PCDHGA3: variants seen among roughly 807,000 people sequenced by gnomAD.
The protein encoded by PCDHGA3 is protocadherin gamma-A3.
PCDHGA3 carries 40 observed loss-of-function variants against 58.5 expected under a neutral mutation model. The ratio of observed to expected loss-of-function variants is 0.68; its 90% CI spans 0.53 to 0.89. The LOEUF (loss-of-function observed/expected upper bound fraction) is 0.89. Ranked by LOEUF, PCDHGA3 falls within the 40% of genes least tolerant of loss-of-function variation. The pLI is 0.00. For synonymous variants in PCDHGA3, 530 were observed against 525.7 expected (o/e 1.01, Z -0.11); for missense variants, 1,223 against 1,195.9 (o/e 1.02, Z -0.33).
Position 141,491,895 on chromosome 5 carries a change from A to G in PCDHGA3, c.2425-2912A>G. On this transcript the variant is annotated intron_variant, in intron 1 of 3. Transcript: ENST00000253812. This position sits in a 1 kb window ranked among gnomAD's most constrained non-coding sequence, Gnocchi z 6.9. Reference sequence around the variant, plus strand: ...CCGATTAAGGGATGGGGCTCCGAGCACCGGGGGTGGTGGCGACTGTGGGCG... The same window carrying G: ...CCGATTAAGGGATGGGGCTCCGAGCGCCGGGGGTGGTGGCGACTGTGGGCG... 7.0e-7 allele frequency: 1 copy of G among 1,434,306 alleles called. No homozygotes were observed. The highest frequency in any genetic ancestry group is 9.2e-7 in the Non-Finnish European group (1 of 1,084,904). 88.8% of individuals were successfully genotyped at this position (1,434,306 alleles called of 1,614,324 possible). A position where few individuals can be genotyped will look rare whatever the true frequency, so the allele number is the denominator to read the frequency against.
intron 1 of PCDHGA3, chr5:141,395,163 G>A: frequency 6.2e-7 from 1 of 1,614,160 alleles, no homozygotes; most frequent in Middle Eastern, 1.6e-4. Flanking sequence ...CAGTCAGGAG[G>A]GCTGTGAGAA....
At chr5:141,499,356 C>A (rs1472104991) in intron 2 of PCDHGA3, among the ~76,000 whole-genome samples, 1 of 152,062 alleles carries the variant, frequency 6.6e-6, no homozygotes, top group Non-Finnish European at 1.5e-5. Context: ...ATTCAACAAA[C>A]AAATAGCAAC....
intron 1 of PCDHGA3, chr5:141,393,203 C>T (rs988866288): frequency 6.2e-7 from 1 of 1,613,514 alleles, no homozygotes; most frequent in Admixed American, 1.7e-5. Context: ...ACGATAATAA[C>T]CCAAAATTCC....
At chr5:141,423,598 C>A in intron 1 of PCDHGA3, 1 of 1,612,940 alleles carries the variant, frequency 6.2e-7, no homozygotes, top group East Asian at 2.2e-5. Flanking sequence ...GAAAAGCGAG[C>A]CACTCTTGAT....
chr5:141,402,091 G>C (rs1453803021), intron 1 of PCDHGA3, among the ~76,000 whole-genome samples: 2 of 152,088 alleles, frequency 1.3e-5, no homozygotes, highest in Non-Finnish European at 2.9e-5. Context: ...TAGCAGAAAA[G>C]TTTAAGCAAT....
At chr5:141,465,742 A>G (rs1425097489) in intron 1 of PCDHGA3, among the ~76,000 whole-genome samples, 1 of 151,214 alleles carries the variant, frequency 6.6e-6, no homozygotes, top group Non-Finnish European at 1.5e-5. Flanking sequence ...TGTTTTCAGG[A>G]TCAGACTGGT....
chr5:141,479,328 G>A (rs568506786), intron 1 of PCDHGA3: 1 of 152,654 alleles, frequency 6.6e-6, no homozygotes, highest in East Asian at 1.9e-4. Flanking sequence ...CAGACTCAGT[G>A]GTGTGCACCT....
In PCDHGA3 at chr5:141,489,637, T is replaced by G. The variant is rs1230531256; in HGVS notation, c.2425-5170T>G. The G allele has an allele frequency of 6.2e-6, 10 of 1,614,032 alleles. No homozygotes were observed. The highest frequency in any genetic ancestry group is 2.7e-5 in the African/African-American group (2 of 74,914). On this transcript the variant is annotated intron_variant, in intron 1 of 3. Transcript: ENST00000253812. The surrounding 1 kb of genome is among the most constrained non-coding windows in gnomAD (Gnocchi z 4.5). The stretch of plus-strand genomic sequence containing the variant: ...GGATCTCAATGACAACTCTCCTAGC[T>G]TTGCCACCCCTGAGCGAGAGATGCG...
At chr5:141,465,186 G>T (rs2099098546) in intron 1 of PCDHGA3, among the ~76,000 whole-genome samples, 1 of 151,852 alleles carries the variant, frequency 6.6e-6, no homozygotes, top group African/African-American at 2.4e-5. Flanking sequence ...TTAATTAAAA[G>T]ATAAAAATAA....
At chr5:141,412,189 T>C (rs560869081) in intron 1 of PCDHGA3, 21 of 152,370 alleles carry the variant, frequency 1.4e-4, no homozygotes, top group Admixed American at 1.2e-3. Context: ...AATGCTCTGA[T>C]GAAAACAGGT....
rs775012950 is a variant in PCDHGA3, at chr5:141,428,225, A to T, written c.2425-66582A>T. On this transcript the variant is annotated intron_variant, in intron 1 of 3. Coordinates refer to ENST00000253812, the MANE Select transcript of PCDHGA3 (RefSeq NM_018916.4). ...GCTACGCTTCACCTAGTCTTCGCAG[A>T]CAGCCTGCAGGAGGCACTGCCAGAC... is the stretch of plus-strand genomic sequence containing the variant. 19 of 1,156,574 alleles carry T rather than the reference A, an allele frequency of 1.6e-5. No homozygotes were observed. In the Admixed American group the frequency reaches 3.1e-4, roughly 19 times the overall value. 71.6% of individuals were successfully genotyped at this position (1,156,574 alleles called of 1,614,324 possible).
In PCDHGA3 at chr5:141,350,451, T is replaced by C. The variant is rs1238028733; in HGVS notation, c.2424+3994T>C. The C allele has an allele frequency of 2.7e-5, 43 of 1,611,790 alleles. No homozygotes were observed. The highest frequency in any genetic ancestry group is 3.6e-5 in the Non-Finnish European group (42 of 1,178,086). On this transcript the variant is annotated intron_variant, in intron 1 of 3. Transcript: ENST00000253812. Reference sequence around the variant, plus strand: ...GTCCGGGAGTTGCCAACTCGAAAACTGCGGGTTAGTGCAGAGGATTATTTC... The same window carrying C: ...GTCCGGGAGTTGCCAACTCGAAAACCGCGGGTTAGTGCAGAGGATTATTTC...
intron 1 of PCDHGA3, among the ~76,000 whole-genome samples, chr5:141,347,877 T>C (rs1203882325): frequency 2.0e-5 from 3 of 152,196 alleles, no homozygotes; most frequent in Non-Finnish European, 2.9e-5. Flanking sequence ...TGTGTATTCA[T>C]TTTGATTTCA....
chr5:141,371,809 C>T lies in PCDHGA3; in HGVS notation c.2424+25352C>T, dbSNP rs1768063576. The T allele has an allele frequency of 2.5e-6, 4 of 1,613,910 alleles. No homozygotes were observed. In the East Asian group the frequency reaches 6.7e-5, roughly 27 times the overall value. ...AACAATCCGCCTGGAGCCTCCATTG[C>T]GCATGTCAGAGCCTCGGATCCCGAC... is the stretch of plus-strand genomic sequence containing the variant. On this transcript the variant is annotated intron_variant, in intron 1 of 3. Transcript: ENST00000253812.
chr5:141,360,433 C>T, intron 1 of PCDHGA3: 1 of 1,613,984 alleles, frequency 6.2e-7, no homozygotes, highest in Non-Finnish European at 8.5e-7. Context: ...CGGGAAGCAG[C>T]CTCTGTGTGT....
chr5:141,430,933 G>C (rs2097327058), intron 1 of PCDHGA3: 1 of 1,607,608 alleles, frequency 6.2e-7, no homozygotes, highest in East Asian at 2.2e-5. Flanking sequence ...AGCCCCGGGA[G>C]CTCGCGGAGC....
At chr5:141,394,710 C>T in intron 1 of PCDHGA3, 1 of 1,613,354 alleles carries the variant, frequency 6.2e-7, no homozygotes. Context: ...GCGAGCCCTG[C>T]TGGACAGAGA....
At position 141,399,956 on chromosome 5, in the gene PCDHGA3, C is replaced by T. The variant is rs760477759; in HGVS notation, c.2424+53499C>T. On this transcript the variant is annotated intron_variant, in intron 1 of 3. Coordinates refer to ENST00000253812, the MANE Select transcript of PCDHGA3 (RefSeq NM_018916.4). ...TACCACGTGCTGCAGGCTAGCGAGC[C>T]CGGGCTCTTCAGCCTGGGGCTGCGC... is the stretch of plus-strand genomic sequence containing the variant. 106 of 1,612,048 alleles carry T rather than the reference C, an allele frequency of 6.6e-5. No homozygotes were observed. Among genetic ancestry groups the T allele is most frequent in the Middle Eastern group, 1.9e-4 (1 of 5,240 alleles).
intron 1 of PCDHGA3, chr5:141,356,602 G>A: frequency 1.2e-6 from 2 of 1,614,142 alleles, no homozygotes; most frequent in Non-Finnish European, 1.7e-6. Context: ...CAACCCCAGA[G>A]GAGCCTCCAT....
Sources: allele counts gnomAD v4.1 joint callset (sites outside exome capture counted in the v4.1 genomes callset), GRCh38; gene constraint gnomAD v4.1.1; non-coding constraint Gnocchi (gnomAD v3.1); transcripts MANE v1.5; gene names NCBI Gene and HGNC (gene_info 2026-07-23, HGNC 2026-07-21).